CADM2: variants seen among roughly 807,000 people sequenced by gnomAD.
CADM2 encodes immunoglobulin superfamily member 4D.
Under a neutral mutation model 49.8 loss-of-function variants are expected in CADM2, and 12 were observed. The ratio of observed to expected loss-of-function variants is 0.24; its 90% CI spans 0.15 to 0.39. The LOEUF is 0.39. CADM2 is among the 10% of genes least tolerant of loss of function. The pLI, the probability that CADM2 is intolerant of heterozygous loss-of-function variation, is 1.00. For synonymous variants in CADM2, 214 were observed against 175.4 expected (o/e 1.22, Z -1.74); for missense variants, 378 against 492.3 (o/e 0.77, Z 2.20).
chr3:85,953,945 A>G (rs1577763400), intron 7 of CADM2, among the ~76,000 whole-genome samples: 1 of 150,984 alleles, frequency 6.6e-6, no homozygotes, highest in East Asian at 1.9e-4. Context: ...TACAATAAAT[A>G]GTTCTGAAGT....
chr3:85,154,818 A>G (rs1261365891), intron 1 of CADM2, among the ~76,000 whole-genome samples: 2 of 148,072 alleles, frequency 1.4e-5, no homozygotes, highest in African/African-American at 5.1e-5. Context: ...TTCAACCCAG[A>G]ATTTCATATC....
At chr3:85,626,369 A>C (rs924896768) in intron 1 of CADM2, among the ~76,000 whole-genome samples, 1 of 152,118 alleles carries the variant, frequency 6.6e-6, no homozygotes, top group South Asian at 2.1e-4. Context: ...AAACAGTTTA[A>C]TTTACAATGA....
intron 1 of CADM2, among the ~76,000 whole-genome samples, chr3:84,962,292 GAA>G (rs1423446726): frequency 2.7e-5 from 4 of 150,126 alleles, no homozygotes; most frequent in Middle Eastern, 3.5e-3. Context: ...AAAAAAGAAA[GAA>G]AGAGGAGGGG....
At chr3:85,288,735 C>T (rs72919286) in intron 1 of CADM2, among the ~76,000 whole-genome samples, 9,923 of 148,402 alleles carry the variant, frequency 0.067, 1,086 homozygotes, top group African/African-American at 0.23. Flanking sequence ...TGGAAGATAC[C>T]TCAATTAGAG....
rs1237985993 is a variant in CADM2, at chr3:86,049,246, G to A, written c.971-16359G>A. On this transcript the variant is annotated intron_variant, in intron 8 of 9. Coordinates refer to ENST00000383699, the MANE Select transcript of CADM2 (RefSeq NM_001167675.2). ...GCTATACAGAAAGACCTAAGACTGG[G>A]TAATTTATTTTATTTTATTTTATTT... 2.0e-5 allele frequency among the ~76,000 whole-genome samples: 3 copies of A among 151,428 alleles called. No individual in the cohort carries two copies. In the East Asian group the frequency reaches 5.8e-4, roughly 29 times the overall value.
Position 86,068,325 on chromosome 3 carries a change from ATT to A in CADM2, c.*1543_*1544del. On this transcript the variant is annotated 3_prime_UTR_variant, in exon 10 of 10. Coordinates refer to ENST00000383699, the MANE Select transcript of CADM2 (RefSeq NM_001167675.2). Reference sequence around the variant, plus strand: ...ATTATTTCTTCTAGTAAAATAAAATATTGTTAGATTAGTTCTCATTAAATTTA... The same window carrying A: ...ATTATTTCTTCTAGTAAAATAAAATAGTTAGATTAGTTCTCATTAAATTTA... 6.6e-6 allele frequency: 1 copy of A among 152,028 alleles called. No individual in the cohort carries two copies. Among genetic ancestry groups the A allele is most frequent in the Non-Finnish European group, 1.5e-5 (1 of 67,878 alleles). 9.4% of individuals were successfully genotyped at this position (152,028 alleles called of 1,614,324 possible).
chr3:86,038,757 C>A (rs904030345), intron 8 of CADM2, among the ~76,000 whole-genome samples: 2 of 152,088 alleles, frequency 1.3e-5, no homozygotes, highest in Admixed American at 1.3e-4. Flanking sequence ...TTTTCCTTTT[C>A]CAAGCTTATG....
chr3:85,413,164 T>TAAAA (rs1164449868), intron 1 of CADM2, among the ~76,000 whole-genome samples: 1 of 76,826 alleles, frequency 1.3e-5, no homozygotes, highest in African/African-American at 5.4e-5. Flanking sequence ...AAAAAAAAAA[T>TAAAA]AATAATAATA....
chr3:85,347,162 T>C (rs534463456), intron 1 of CADM2, among the ~76,000 whole-genome samples: 91 of 137,760 alleles, frequency 6.6e-4, no homozygotes, highest in African/African-American at 2.3e-3. Context: ...GCAGAGGTTT[T>C]GGTGAGCTAA....
At chr3:85,268,966 T>C (rs2043176631) in intron 1 of CADM2, among the ~76,000 whole-genome samples, 1 of 151,342 alleles carries the variant, frequency 6.6e-6, no homozygotes, top group Admixed American at 6.6e-5. Context: ...AATTTTGGAA[T>C]GAAACAAAAT....
intron 1 of CADM2, among the ~76,000 whole-genome samples, chr3:85,543,669 G>A (rs1355203066): frequency 6.6e-6 from 1 of 152,078 alleles, no homozygotes; most frequent in Admixed American, 6.6e-5. Context: ...AATTTATAGG[G>A]TCACAGTTCT....
Position 85,357,996 on chromosome 3 carries a change from C to T in CADM2, c.62-368526C>T, listed in dbSNP as rs146711853. Among the ~76,000 whole-genome samples, 320 of 152,186 alleles carry T rather than the reference C, an allele frequency of 2.1e-3. 5 individuals carry two copies. Among genetic ancestry groups the T allele is most frequent in the Admixed American group, 0.017 (263 of 15,254 alleles). ...ATTTCACAGTAGATTGCATGGCCAA[C>T]CTTTATGTCCTACAAATGTATTTGT... On this transcript the variant is annotated intron_variant, in intron 1 of 9. Transcript: ENST00000383699.
chr3:85,708,957 C>A (rs1324317234), intron 1 of CADM2, among the ~76,000 whole-genome samples: 1 of 151,760 alleles, frequency 6.6e-6, no homozygotes, highest in East Asian at 1.9e-4. Context: ...CCACAGCCCT[C>A]TCTCTAGGCT....
chr3:85,281,600 C>T (rs565387265), intron 1 of CADM2, among the ~76,000 whole-genome samples: 3 of 152,042 alleles, frequency 2.0e-5, no homozygotes, highest in Non-Finnish European at 4.4e-5. Context: ...TAGTTTCACA[C>T]ATACGATGAT....
At chr3:86,012,658 G>T in intron 8 of CADM2, 1 of 1,451,188 alleles carries the variant, frequency 6.9e-7, no homozygotes, top group Non-Finnish European at 9.6e-7. Flanking sequence ...GATGCCAGGA[G>T]TGGGTGGAGA....
chr3:85,629,313 G>A (rs545592503), intron 1 of CADM2, among the ~76,000 whole-genome samples: 95 of 151,840 alleles, frequency 6.3e-4, no homozygotes, highest in African/African-American at 2.0e-3. Context: ...AATGGAGGAC[G>A]AAGCCTACTA....
rs1042384161 is a variant in CADM2 at position 86,068,865 on chromosome 3, A to T, written c.*2082A>T. On this transcript the variant is annotated 3_prime_UTR_variant, in exon 10 of 10. Transcript: ENST00000383699. ...GTTCACTCCATACCATCTGTGGAAA[A>T]ATGCAATAATATGTTAATATAGTAT... 2 of 152,396 alleles carry T rather than the reference A, an allele frequency of 1.3e-5. No individual in the cohort carries two copies. The highest frequency in any genetic ancestry group is 6.6e-5 in the Admixed American group (1 of 15,248). The allele number at this position is 152,396 out of a possible 1,614,324, so 9.4% of individuals were successfully genotyped here.
intron 1 of CADM2, among the ~76,000 whole-genome samples, chr3:85,263,444 A>T (rs953315077): frequency 3.2e-4 from 49 of 152,118 alleles, no homozygotes; most frequent in Admixed American, 3.2e-3. Context: ...CACATACAAT[A>T]TTTATTTTAA....
chr3:85,909,406 A>ATATATATG (rs1454611025), intron 5 of CADM2, among the ~76,000 whole-genome samples: 1 of 150,340 alleles, frequency 6.7e-6, no homozygotes, highest in East Asian at 1.9e-4. Context: ...AATGAAATAT[A>ATATATATG]TATATATATA....
Sources: allele counts gnomAD v4.1 joint callset (sites outside exome capture counted in the v4.1 genomes callset), GRCh38; gene constraint gnomAD v4.1.1; transcripts MANE v1.5; gene names NCBI Gene and HGNC (gene_info 2026-07-23, HGNC 2026-07-21).